Variants in DIS3 observed in about 807,000 individuals in gnomAD.
DIS3 encodes the protein exosome complex exonuclease RRP44.
DIS3 carries 103 observed loss-of-function variants against 113.0 expected under a neutral mutation model. The ratio of observed to expected loss-of-function variants is 0.91; its 90% CI spans 0.78 to 1.07. The LOEUF is 1.07. Among genes scored for constraint, DIS3 ranks in the 50% least tolerant of loss-of-function variants. The probability of loss-of-function intolerance (pLI) is 0.00; values close to 1 mark genes in which losing one functional copy is unlikely to be tolerated. For synonymous variants in DIS3, 402 were observed against 394.3 expected (o/e 1.02, Z -0.23); for missense variants, 1,121 against 1,167.1 (o/e 0.96, Z 0.58).
At chr13:72,771,955 G>A in intron 10 of DIS3, 59 bp from the exon 11 acceptor site, 9 of 1,540,400 alleles carry the variant, frequency 5.8e-6, no homozygotes, top group Non-Finnish European at 8.0e-6. Context: ...TGTACCTAAT[G>A]GAGTTTTAAT....
At chr13:72,780,309 G>A (rs1032484250) in intron 2 of DIS3, among the ~76,000 whole-genome samples, 25 of 109,858 alleles carry the variant, frequency 2.3e-4, no homozygotes, top group African/African-American at 7.2e-4. Flanking sequence ...CTGGGTGACA[G>A]AGTGAGACTC....
intron 1 of DIS3, 95 bp downstream of exon 1, chr13:72,781,510 A>C: frequency 7.0e-7 from 1 of 1,433,278 alleles, no homozygotes; most frequent in South Asian, 1.5e-5. Flanking sequence ...GGTATGTGAC[A>C]CTGCCAAAGA....
rs762960093 is a variant in DIS3 at position 72,773,968 on chromosome 13, A to G, written c.1079T>C (p.Leu360Pro). Residue 360 changes from leucine to proline, a missense_variant, in exon 7 of 21, where the codon CTT (leucine) becomes CCT (proline). Physicochemically the swap from Leu to Pro is moderately conservative, Grantham distance 98 (BLOSUM62 -3). Coordinates refer to ENST00000377767, the MANE Select transcript of DIS3 (RefSeq NM_014953.5). ...KRNWRPYCGM[L>P]SKSDIKESRR... ...CACCTCCTTAATGTCAGACTTGGAA[A>G]GCATGCCACAATATGGTCTCCAATT... The G allele has an allele frequency of 6.2e-7, 1 of 1,609,894 alleles. No homozygotes were observed. Among genetic ancestry groups the G allele is most frequent in the Non-Finnish European group, 8.5e-7 (1 of 1,178,958 alleles).
chr13:72,773,874 G>A, intron 7 of DIS3, 53 bp from the exon 8 acceptor site: 3 of 1,594,344 alleles, frequency 1.9e-6, no homozygotes, highest in Non-Finnish European at 2.6e-6. Context: ...GAGGATGGAG[G>A]CAAAAGAAAG....
intron 2 of DIS3, among the ~76,000 whole-genome samples, chr13:72,779,499 A>G (rs1191703625): frequency 6.9e-6 from 1 of 145,068 alleles, no homozygotes; most frequent in Non-Finnish European, 1.5e-5. Flanking sequence ...CTGCACTGAA[A>G]AACAAGTGAT....
chr13:72,754,040 G>T lies in DIS3; in HGVS notation c.*5755C>A. The T allele has an allele frequency of 2.3e-6, 1 of 440,486 alleles. No homozygotes were observed. The highest frequency in any genetic ancestry group is 4.0e-6 in the Non-Finnish European group (1 of 251,370). The allele number at this position is 440,486 out of a possible 1,614,324, so 27.3% of individuals were successfully genotyped here. On this transcript the variant is annotated 3_prime_UTR_variant, in exon 21 of 21. Coordinates refer to ENST00000377767, the MANE Select transcript of DIS3 (RefSeq NM_014953.5). ...AAGTGTGCAAAGGTAGCGTGTATTT[G>T]ATGAGGGCATTTACTGAACCTTCCA...
chr13:72,774,181 A>T lies in DIS3; in HGVS notation c.988-122T>A, dbSNP rs1003333780. ...TTCAGGCAGTAAATTATGACATAAG[A>T]CTACAGAATGTTGATGTTTCAACAT... is the stretch of plus-strand genomic sequence containing the variant. On this transcript the variant is annotated intron_variant, in intron 6 of 20. Coordinates refer to ENST00000377767, the MANE Select transcript of DIS3 (RefSeq NM_014953.5). 5 of 590,616 alleles carry T rather than the reference A, an allele frequency of 8.5e-6. No individual in the cohort carries two copies. The South Asian group carries it at 1.3e-4, about 15-fold the overall frequency. The allele number at this position is 590,616 out of a possible 1,614,324, so 36.6% of individuals were successfully genotyped here.
In DIS3 at chr13:72,755,254, T is replaced by C. The variant is rs779557859; in HGVS notation, c.*4541A>G. 2 of 1,524,150 alleles carry C rather than the reference T, an allele frequency of 1.3e-6. No individual in the cohort carries two copies. The highest frequency in any genetic ancestry group is 4.5e-5 in the East Asian group (2 of 44,432). 94.4% of individuals were successfully genotyped at this position (1,524,150 alleles called of 1,614,324 possible). A position where few individuals can be genotyped will look rare whatever the true frequency, so the allele number is the denominator to read the frequency against. ...AGAATCAAAGACTAAGCTTAAGAGT[T>C]CCTCGCATATATCGTTGTGCACAGG... On this transcript the variant is annotated 3_prime_UTR_variant, in exon 21 of 21. Transcript: ENST00000377767.
At chr13:72,777,563 T>C in intron 3 of DIS3, 70 bp from the exon 4 acceptor site, 1 of 1,292,630 alleles carries the variant, frequency 7.7e-7, no homozygotes, top group Non-Finnish European at 1.1e-6. Context: ...TGGATAGTCT[T>C]GTTTGCGACA....
chr13:72,777,597 A>T, intron 3 of DIS3, 104 bp from the exon 4 acceptor site: 1 of 940,724 alleles, frequency 1.1e-6, no homozygotes, highest in Non-Finnish European at 1.7e-6. Context: ...TCTTTCATTC[A>T]TTGAGACACA....
At chr13:72,762,897 T>C (rs1363276709) in intron 16 of DIS3, among the ~76,000 whole-genome samples, 1 of 151,852 alleles carries the variant, frequency 6.6e-6, no homozygotes, top group Non-Finnish European at 1.5e-5. Context: ...AACATAGACA[T>C]ATGAAACATG....
intron 14 of DIS3, among the ~76,000 whole-genome samples, chr13:72,766,640 G>C (rs950138886): frequency 6.6e-6 from 1 of 152,156 alleles, no homozygotes; most frequent in Non-Finnish European, 1.5e-5. Context: ...AACAATCCAT[G>C]CTCAGGACTT....
In DIS3 at chr13:72,763,547, T is replaced by G. The variant is rs1460076707; in HGVS notation, c.2031A>C (p.Lys677Asn). The G allele has an allele frequency of 8.1e-6, 13 of 1,613,654 alleles. No individual in the cohort carries two copies. Among genetic ancestry groups the G allele is most frequent in the Non-Finnish European group, 1.0e-5 (12 of 1,179,934 alleles). Residue 677 changes from lysine to asparagine, a missense_variant, in exon 16 of 21, where the codon AAA becomes AAC. Coordinates refer to ENST00000377767, the MANE Select transcript of DIS3 (RefSeq NM_014953.5). Reference protein sequence around the residue: ...MLLANISVAKKIHEEFSEHAL... With the variant: ...MLLANISVAKNIHEEFSEHAL... ...CATGTTCAGAAAATTCCTCATGAAT[T>G]TTTTTTGCAACAGAAATATTGGCAA...
Position 72,756,290 on chromosome 13 carries a change from A to G in DIS3, c.*3505T>C, listed in dbSNP as rs2138130125. On this transcript the variant is annotated 3_prime_UTR_variant, in exon 21 of 21. Transcript: ENST00000377767. ...CGCGTTATGTACCTGGCTCATCTTC[A>G]ACACACTAACCATGAACACTAATAG... is the stretch of plus-strand genomic sequence containing the variant. 1 of 187,726 alleles carries G rather than the reference A, an allele frequency of 5.3e-6. No homozygotes were observed. The highest frequency in any genetic ancestry group is 1.1e-5 in the Non-Finnish European group (1 of 92,420). The allele number at this position is 187,726 out of a possible 1,614,324, so 11.6% of individuals were successfully genotyped here. A position where few individuals can be genotyped will look rare whatever the true frequency, so the allele number is the denominator to read the frequency against.
At chr13:72,762,999 T>C (rs528644608) in intron 16 of DIS3, among the ~76,000 whole-genome samples, 1 of 152,114 alleles carries the variant, frequency 6.6e-6, no homozygotes, top group East Asian at 1.9e-4. Flanking sequence ...AGGGTGCTCT[T>C]TAAAAACATT....
In DIS3 at chr13:72,759,498, G is replaced by C; in HGVS notation, c.*297C>G. On this transcript the variant is annotated 3_prime_UTR_variant, in exon 21 of 21. Coordinates refer to ENST00000377767, the MANE Select transcript of DIS3 (RefSeq NM_014953.5). ...GCAAAATTAATCTGCTCCTCAATGA[G>C]ATGAGCACTCCATTTAAATGATCTT... 1 of 268,442 alleles carries C rather than the reference G, an allele frequency of 3.7e-6. No homozygotes were observed. Among genetic ancestry groups the C allele is most frequent in the East Asian group, 5.6e-5 (1 of 17,842 alleles). The allele number at this position is 268,442 out of a possible 1,614,324, so 16.6% of individuals were successfully genotyped here.
chr13:72,761,045 T>TC (rs2033610646), intron 19 of DIS3, among the ~76,000 whole-genome samples: 1 of 151,882 alleles, frequency 6.6e-6, no homozygotes, highest in Non-Finnish European at 1.5e-5. Context: ...ACACTAGAAG[T>TC]AAGTTTAAAA....
At chr13:72,774,691 T>C (rs1247062937) in intron 6 of DIS3, among the ~76,000 whole-genome samples, 1 of 152,104 alleles carries the variant, frequency 6.6e-6, no homozygotes, top group Non-Finnish European at 1.5e-5. Context: ...TATAATATTG[T>C]AATTATAAAA....
At position 72,772,714 on chromosome 13, in the gene DIS3, C is replaced by A; in HGVS notation, c.1365G>T (p.Met455Ile). The change falls in exon 9 of 21, where the codon ATG (methionine) becomes ATT (isoleucine). Residue 455 changes from methionine to isoleucine, a missense_variant. Around this residue, in one of 3 missense-constraint regions of DIS3, gnomAD observed 861 missense variants for 915.5 expected, o/e 0.94. Transcript: ENST00000377767. ...TTACCTTTTCAGTAATGCTCCAGGG[C>A]ATCTTTGGCAGAAAACTAAGAACAG... ...SQAVLSFLPK[M>I]PWSITEKDMK... 6.2e-7 allele frequency: 1 copy of A among 1,611,110 alleles called. No individual in the cohort carries two copies. Among genetic ancestry groups the A allele is most frequent in the South Asian group, 1.1e-5 (1 of 90,326 alleles).
Sources: gnomAD v4.1 joint callset for allele counts (sites outside exome capture counted in the v4.1 genomes callset) on GRCh38, gnomAD v4.1.1 for gene constraint, gnomAD v4.1.1 regional missense constraint, MANE v1.5 for transcripts, NCBI Gene and HGNC (gene_info 2026-07-23, HGNC 2026-07-21) for gene names.